TRAF5: variants seen among roughly 807,000 people sequenced by gnomAD.
The protein encoded by TRAF5 is TNF receptor-associated factor 5.
A neutral mutation model predicts 64.5 loss-of-function variants in TRAF5; 48 were observed. The observed-to-expected ratio is 0.74, with a 90% CI of 0.59 to 0.95. The LOEUF (loss-of-function observed/expected upper bound fraction) is 0.95, where lower values mean the gene tolerates loss of function less well. Ranked by LOEUF, TRAF5 falls within the 40% of genes least tolerant of loss-of-function variation. The pLI, the probability that TRAF5 is intolerant of heterozygous loss-of-function variation, is 0.00. For synonymous variants in TRAF5, 206 were observed against 240.5 expected, an observed-to-expected ratio of 0.86 and a Z score of 1.33; for missense variants, 545 against 662.8, an observed-to-expected ratio of 0.82 and a Z score of 1.95.
chr1:211,343,670 C>G (rs997666575), intron 1 of TRAF5, among the ~76,000 whole-genome samples: 4 of 152,166 alleles, frequency 2.6e-5, no homozygotes, highest in African/African-American at 7.2e-5. Context: ...TAACCCATAT[C>G]TGACTCCAGC....
At chr1:211,346,305 G>A (rs1241816601) in intron 1 of TRAF5, 5 of 915,908 alleles carry the variant, frequency 5.5e-6, no homozygotes, top group Non-Finnish European at 6.5e-6. Context: ...GTCCTTGGAG[G>A]GACTCAAGGG....
rs1702896874 is a variant in TRAF5 at position 211,354,426 on chromosome 1, C to A, written c.235C>A (p.Pro79Thr). The A allele has an allele frequency of 6.2e-7, 1 of 1,613,934 alleles. No individual in the cohort carries two copies. Among genetic ancestry groups the A allele is most frequent in the African/African-American group, 1.3e-5 (1 of 74,878 alleles). ...TTTCTCCAGAGAATTAAACACAGTG[C>A]CAATCTGCCCTGTAGATAAAGAGGT... ...ILSLRELNTV[P>T]ICPVDKEVIK... The change falls in exon 3 of 11, where the codon CCA (proline) becomes ACA (threonine). Residue 79 changes from proline to threonine, a missense_variant. By Grantham distance (38) the Pro-to-Thr change is conservative (BLOSUM62 -1). Transcript: ENST00000261464.
intron 8 of TRAF5, among the ~76,000 whole-genome samples, chr1:211,366,421 T>G (rs973875454): frequency 2.6e-5 from 4 of 152,224 alleles, no homozygotes; most frequent in Non-Finnish European, 4.4e-5. Flanking sequence ...GTACAATGTT[T>G]GCTGCTAGGG....
At chr1:211,327,032 G>C in intron 1 of TRAF5, 143 bp downstream of exon 1, 1 of 718,284 alleles carries the variant, frequency 1.4e-6, no homozygotes, top group South Asian at 6.1e-5. Context: ...GACCGGCGGG[G>C]AGGGCGCGAG....
intron 6 of TRAF5, 35 bp downstream of exon 6, chr1:211,360,814 G>C: frequency 6.4e-7 from 1 of 1,572,798 alleles, no homozygotes; most frequent in Non-Finnish European, 8.7e-7. Context: ...AGATTTTATG[G>C]AAGATAACGT....
chr1:211,344,921 TTTTA>T (rs989813570), intron 1 of TRAF5, among the ~76,000 whole-genome samples: 3 of 152,056 alleles, frequency 2.0e-5, no homozygotes, highest in African/African-American at 7.2e-5. Flanking sequence ...ACCCTGCTAA[TTTTA>T]TTTATTTATT....
chr1:211,346,929 T>C (rs1261315611), intron 1 of TRAF5, among the ~76,000 whole-genome samples: 4 of 152,242 alleles, frequency 2.6e-5, no homozygotes, highest in Non-Finnish European at 4.4e-5. Flanking sequence ...ACAAGAGTTC[T>C]TAGGGAATAG....
In TRAF5 at chr1:211,356,376, G is replaced by A; in HGVS notation, c.286G>A (p.Asp96Asn). 1 of 1,613,622 alleles carries A rather than the reference G, an allele frequency of 6.2e-7. No individual in the cohort carries two copies. Among genetic ancestry groups the A allele is most frequent in the East Asian group, 2.2e-5 (1 of 44,878 alleles). Reference protein sequence around the residue: ...EVIKSQEVFKDNCCKREVLNL... With the variant: ...EVIKSQEVFKNNCCKREVLNL... Reference sequence around the variant, plus strand: ...TATGTTTATCTTTTAGGTTTTTAAAGACAATTGTTGCAAAAGAGAAGTCCT... The same window carrying A: ...TATGTTTATCTTTTAGGTTTTTAAAAACAATTGTTGCAAAAGAGAAGTCCT... The change falls in exon 4 of 11, where the codon GAC (aspartate) becomes AAC (asparagine). Residue 96 changes from aspartate to asparagine, a missense_variant. Asp to Asn is a conservative substitution (Grantham distance 23). Coordinates refer to ENST00000261464, the MANE Select transcript of TRAF5 (RefSeq NM_001033910.3).
chr1:211,352,655 T>C (rs904227810), intron 1 of TRAF5, among the ~76,000 whole-genome samples: 3 of 151,944 alleles, frequency 2.0e-5, no homozygotes, highest in South Asian at 4.2e-4. Context: ...ATTAGTCTGT[T>C]TGTGCTGACG....
At chr1:211,344,800 G>T (rs1193294412) in intron 1 of TRAF5, among the ~76,000 whole-genome samples, 1 of 152,116 alleles carries the variant, frequency 6.6e-6, no homozygotes, top group African/African-American at 2.4e-5. Flanking sequence ...AGGGTGGAGT[G>T]CAGTGGCGTG....
intron 1 of TRAF5, among the ~76,000 whole-genome samples, chr1:211,345,633 C>T (rs1201332191): frequency 6.6e-6 from 1 of 152,210 alleles, no homozygotes; most frequent in Non-Finnish European, 1.5e-5. Flanking sequence ...TGGGGAATAA[C>T]ATATTTGTAT....
chr1:211,367,563 G>A (rs1429929805), intron 8 of TRAF5, among the ~76,000 whole-genome samples: 1 of 152,222 alleles, frequency 6.6e-6, no homozygotes, highest in Non-Finnish European at 1.5e-5. Flanking sequence ...CATGTCAGTG[G>A]ACTGGAAAGA....
intron 3 of TRAF5, among the ~76,000 whole-genome samples, chr1:211,356,123 C>G (rs1439888601): frequency 6.6e-6 from 1 of 152,194 alleles, no homozygotes; most frequent in Non-Finnish European, 1.5e-5. Flanking sequence ...TGAGTTTCAC[C>G]TAGTTGCAGC....
At chr1:211,352,832 T>A (rs975799588) in intron 1 of TRAF5, among the ~76,000 whole-genome samples, 4 of 152,188 alleles carry the variant, frequency 2.6e-5, no homozygotes, top group Non-Finnish European at 4.4e-5. Flanking sequence ...CTTCTAAAAA[T>A]TTTAACAAAA....
At chr1:211,351,286 A>C (rs975037351) in intron 1 of TRAF5, among the ~76,000 whole-genome samples, 1 of 151,876 alleles carries the variant, frequency 6.6e-6, no homozygotes, top group Non-Finnish European at 1.5e-5. Context: ...TCAGCCTCCT[A>C]AAGTGCTGGG....
chr1:211,339,513 C>A (rs1373464026), intron 1 of TRAF5, among the ~76,000 whole-genome samples: 1 of 152,174 alleles, frequency 6.6e-6, no homozygotes, highest in Non-Finnish European at 1.5e-5. Context: ...CCCTTAAGTC[C>A]TTCCAGAGCT....
intron 10 of TRAF5, 24 bp from the exon 11 acceptor site, chr1:211,372,104 T>C: frequency 6.8e-7 from 1 of 1,466,822 alleles, no homozygotes; most frequent in Non-Finnish European, 9.1e-7. Context: ...TGGAATCTTT[T>C]TTTTTTTTTT....
chr1:211,341,792 T>C (rs1427261735), intron 1 of TRAF5, among the ~76,000 whole-genome samples: 1 of 152,182 alleles, frequency 6.6e-6, no homozygotes, highest in Non-Finnish European at 1.5e-5. Flanking sequence ...CTGCCTATGG[T>C]AGGTTCCCAG....
At chr1:211,370,196 TA>T (rs1241596776) in intron 9 of TRAF5, among the ~76,000 whole-genome samples, 2 of 152,180 alleles carry the variant, frequency 1.3e-5, no homozygotes, top group Non-Finnish European at 2.9e-5. Context: ...TAATACTTTG[TA>T]AATTATGAAC....
Sources: gnomAD v4.1 joint callset for allele counts (sites outside exome capture counted in the v4.1 genomes callset) on GRCh38, gnomAD v4.1.1 for gene constraint, MANE v1.5 for transcripts, NCBI Gene and HGNC (gene_info 2026-07-23, HGNC 2026-07-21) for gene names.